The following SAMTOR variants were observed in gnomAD, a reference collection of about 807,000 sequenced individuals.
The protein encoded by SAMTOR is S-adenosylmethionine sensor upstream of mTORC1, also known as UPF0532 protein C7orf60.
At chr7:112,832,012 CTTTTTT>C in the SAMTOR span, among the ~76,000 whole-genome samples, 1 of 131,092 alleles carries the variant, frequency 7.6e-6, no homozygotes. Context: ...ACTGAAGTTT[CTTTTTT>C]TTTTTTTTTT....
the SAMTOR span, among the ~76,000 whole-genome samples, chr7:112,826,135 GTTTTA>G: frequency 6.6e-6 from 1 of 151,972 alleles, no homozygotes; most frequent in African/African-American, 2.4e-5. Flanking sequence ...CTGTAGTTTT[GTTTTA>G]TAACATTTGT....
the SAMTOR span, among the ~76,000 whole-genome samples, chr7:112,873,796 T>C: frequency 6.6e-6 from 1 of 151,978 alleles, no homozygotes; most frequent in African/African-American, 2.4e-5. Flanking sequence ...GAGAAAATAT[T>C]TGCAAACTAT....
At chr7:112,895,803 A>T in the SAMTOR span, 1 of 1,202,770 alleles carries the variant, frequency 8.3e-7, no homozygotes, top group Non-Finnish European at 1.1e-6. Flanking sequence ...AGACGGAAAA[A>T]ATTGGCTTTT....
At chr7:112,836,989 G>A in the SAMTOR span, among the ~76,000 whole-genome samples, 1 of 152,086 alleles carries the variant, frequency 6.6e-6, no homozygotes, top group Non-Finnish European at 1.5e-5. Context: ...GAATGTCATT[G>A]GTAGTTTGAT....
At chr7:112,893,521 G>A in the SAMTOR span, among the ~76,000 whole-genome samples, 8 of 152,158 alleles carry the variant, frequency 5.3e-5, no homozygotes, top group African/African-American at 1.7e-4. Flanking sequence ...TTGGCTTGAG[G>A]GAATGCTGTG....
At chr7:112,891,122 G>A in the SAMTOR span, among the ~76,000 whole-genome samples, 1 of 152,068 alleles carries the variant, frequency 6.6e-6, no homozygotes, top group Non-Finnish European at 1.5e-5. Flanking sequence ...ATCTAAAGTT[G>A]ATATTTTCCA....
At chr7:112,832,647 A>G in the SAMTOR span, 1 of 1,612,736 alleles carries the variant, frequency 6.2e-7, no homozygotes, top group Non-Finnish European at 8.5e-7. Context: ...ACATCAAGTA[A>G]TCTGATTTTT....
At chr7:112,917,334 A>G in the SAMTOR span, among the ~76,000 whole-genome samples, 1 of 152,224 alleles carries the variant, frequency 6.6e-6, no homozygotes, top group Non-Finnish European at 1.5e-5. Context: ...CTCCAGGCAA[A>G]CAGGGTCTGG....
chr7:112,880,209 TACTC>T, the SAMTOR span, among the ~76,000 whole-genome samples: 1 of 152,178 alleles, frequency 6.6e-6, no homozygotes, highest in African/African-American at 2.4e-5. Flanking sequence ...ATTGAGCTGT[TACTC>T]AAATGATTTG....
At chr7:112,939,517 G>A in the SAMTOR span, 1 of 1,605,672 alleles carries the variant, frequency 6.2e-7, no homozygotes, top group South Asian at 1.1e-5. Flanking sequence ...GGCCTCTTTG[G>A]AGGAGGGAAG....
chr7:112,895,672 C>G, the SAMTOR span: 1 of 1,588,658 alleles, frequency 6.3e-7, no homozygotes, highest in Non-Finnish European at 8.6e-7. Flanking sequence ...GTGGCAAGTA[C>G]AGCTCTTTTT....
the SAMTOR span, among the ~76,000 whole-genome samples, chr7:112,906,865 C>T: frequency 2.6e-5 from 4 of 152,064 alleles, no homozygotes; most frequent in African/African-American, 9.7e-5. Context: ...CCACCATGCC[C>T]GGCCGACGTA....
the SAMTOR span, chr7:112,939,754 G>A: frequency 1.9e-6 from 3 of 1,590,766 alleles, no homozygotes; most frequent in Non-Finnish European, 1.7e-6. Flanking sequence ...GCTCCATATC[G>A]CAGCCGCCGC....
chr7:112,838,702 T>C, the SAMTOR span, among the ~76,000 whole-genome samples: 3 of 151,842 alleles, frequency 2.0e-5, no homozygotes, highest in Admixed American at 6.6e-5. Flanking sequence ...CATTTGAGCA[T>C]ACTATTCTAA....
chr7:112,857,657 CAGA>C, the SAMTOR span, among the ~76,000 whole-genome samples: 8 of 152,236 alleles, frequency 5.3e-5, no homozygotes, highest in South Asian at 8.3e-4. Context: ...CTTTGCATCA[CAGA>C]AGAAGAATTT....
chr7:112,826,694 G>C, the SAMTOR span, among the ~76,000 whole-genome samples: 1 of 152,090 alleles, frequency 6.6e-6, no homozygotes, highest in Non-Finnish European at 1.5e-5. Context: ...TAGTTGAAAA[G>C]TTGATGTCAT....
chr7:112,829,359 G>GC, the SAMTOR span, among the ~76,000 whole-genome samples: 1 of 151,766 alleles, frequency 6.6e-6, no homozygotes, highest in African/African-American at 2.4e-5. Context: ...ATACAGTTTT[G>GC]ATTTTTTTAA....
the SAMTOR span, among the ~76,000 whole-genome samples, chr7:112,933,387 T>C: frequency 5.3e-5 from 8 of 152,134 alleles, no homozygotes; most frequent in Non-Finnish European, 8.8e-5. Flanking sequence ...AAAACTAATA[T>C]AAAAATGTGT....
chr7:112,911,641 A>G, the SAMTOR span, among the ~76,000 whole-genome samples: 1 of 152,116 alleles, frequency 6.6e-6, no homozygotes, highest in Non-Finnish European at 1.5e-5. Context: ...CTTTAAAATA[A>G]CTATTTTAAA....
Sources: allele counts gnomAD v4.1 joint callset (sites outside exome capture counted in the v4.1 genomes callset), GRCh38; gene constraint gnomAD v4.1.1; transcripts MANE v1.5; gene names NCBI Gene and HGNC (gene_info 2026-07-23, HGNC 2026-07-21).